VLDLR: variants seen among roughly 807,000 people sequenced by gnomAD.
VLDLR encodes very low-density lipoprotein receptor.
VLDLR carries 81 observed loss-of-function variants against 112.7 expected under a neutral mutation model. That is an observed-to-expected ratio of 0.72 (90% CI 0.60 to 0.86). The LOEUF is 0.86. Ranked by LOEUF, VLDLR falls within the 40% of genes least tolerant of loss-of-function variation. The probability of loss-of-function intolerance (pLI) is 0.00; values close to 1 mark genes in which losing one functional copy is unlikely to be tolerated. For synonymous variants in VLDLR, 436 were observed against 384.8 expected (o/e 1.13, Z -1.56); for missense variants, 1,237 against 1,099.4 (o/e 1.13, Z -1.77).
At chr9:2,633,051 A>AGAGAGAGAGAGAGAGAGTGTGT (rs1460780869) in intron 1 of VLDLR, among the ~76,000 whole-genome samples, 1 of 115,402 alleles carries the variant, frequency 8.7e-6, no homozygotes, top group African/African-American at 3.3e-5. Context: ...AGAGAGAGAG[A>AGAGAGAGAGAGAGAGAGTGTGT]GTGTGTGTGT....
At chr9:2,645,536 T>G in intron 9 of VLDLR, 38 bp from the exon 10 acceptor site, 2 of 1,613,976 alleles carry the variant, frequency 1.2e-6, no homozygotes, top group Non-Finnish European at 1.7e-6. Flanking sequence ...CTTGCCTTCT[T>G]AAAGCAAAAC....
chr9:2,622,231 G>A lies in VLDLR; in HGVS notation c.42G>A (p.Ala14=). The A allele has an allele frequency of 6.7e-7, 1 of 1,499,066 alleles. No homozygotes were observed. Among genetic ancestry groups the A allele is most frequent in the Non-Finnish European group, 8.8e-7 (1 of 1,130,910 alleles). The allele number at this position is 1,499,066 out of a possible 1,614,324, so 92.9% of individuals were successfully genotyped here. ...SALWALWLLL[A]LCWAPRESGA... Reference sequence around the variant, plus strand: ...TCTGGGCGCTCTGGCTGCTGCTCGCGCTGTGCTGGGCGCCCCGGGAGAGCG... The same window carrying A: ...TCTGGGCGCTCTGGCTGCTGCTCGCACTGTGCTGGGCGCCCCGGGAGAGCG... Residue 14 remains alanine (A), a synonymous_variant, in exon 1 of 19, where the codon GCG becomes GCA. Coordinates refer to ENST00000382100, the MANE Select transcript of VLDLR (RefSeq NM_003383.5).
intron 15 of VLDLR, 123 bp downstream of exon 15, chr9:2,650,639 G>A (rs888871495): frequency 1.4e-5 from 19 of 1,327,560 alleles, no homozygotes; most frequent in Non-Finnish European, 2.0e-5. Context: ...GAAGATATCT[G>A]CTATTGTATG....
intron 1 of VLDLR, among the ~76,000 whole-genome samples, chr9:2,629,006 TA>T (rs1817221995): frequency 6.6e-6 from 1 of 152,234 alleles, no homozygotes; most frequent in Non-Finnish European, 1.5e-5. Flanking sequence ...TGTAGCTTCT[TA>T]ACCTTAGTGC....
intron 1 of VLDLR, 128 bp downstream of exon 1, chr9:2,622,399 T>C (rs1339136221): frequency 1.0e-5 from 8 of 787,318 alleles, no homozygotes; most frequent in Non-Finnish European, 1.3e-5. Context: ...TCGCCTTCCC[T>C]CCCTCCCCTC....
intron 3 of VLDLR, 83 bp downstream of exon 3, chr9:2,640,064 G>A (rs1036666352): frequency 1.9e-6 from 3 of 1,610,016 alleles, no homozygotes; most frequent in East Asian, 2.2e-5. Flanking sequence ...TCTCCTACTT[G>A]GTATTCATTT....
chr9:2,638,956 G>T (rs1817715761), intron 2 of VLDLR, among the ~76,000 whole-genome samples: 1 of 152,182 alleles, frequency 6.6e-6, no homozygotes, highest in African/African-American at 2.4e-5. Context: ...CACTGATTGA[G>T]TTTTCTCCCC....
chr9:2,635,327 GC>G (rs1488099042), intron 1 of VLDLR, 125 bp from the exon 2 acceptor site: 19 of 1,427,536 alleles, frequency 1.3e-5, no homozygotes, highest in Non-Finnish European at 1.9e-5. Context: ...TCCTACTCTG[GC>G]CCTTAGGATG....
In VLDLR at chr9:2,622,115, G is replaced by A; in HGVS notation, c.-75G>A. The A allele has an allele frequency of 2.9e-6, 4 of 1,386,192 alleles. No homozygotes were observed. Among genetic ancestry groups the A allele is most frequent in the Non-Finnish European group, 3.8e-6 (4 of 1,049,958 alleles). The allele number at this position is 1,386,192 out of a possible 1,614,324, so 85.9% of individuals were successfully genotyped here. A position where few individuals can be genotyped will look rare whatever the true frequency, so the allele number is the denominator to read the frequency against. ...CCGCCCCCACCTTCTTCCTCCTTTC[G>A]GAAGGACTGGTAACTTGTCGTGCGG... On this transcript the variant is annotated 5_prime_UTR_variant, in exon 1 of 19. Coordinates refer to ENST00000382100, the MANE Select transcript of VLDLR (RefSeq NM_003383.5).
chr9:2,647,691 C>G (rs1199694831), intron 12 of VLDLR, 99 bp downstream of exon 12: 1 of 1,068,744 alleles, frequency 9.4e-7, no homozygotes, highest in Non-Finnish European at 1.5e-6. Context: ...GACTCTACTG[C>G]TTCCGCCTAA....
At chr9:2,638,404 C>T (rs568619022) in intron 2 of VLDLR, among the ~76,000 whole-genome samples, 25 of 152,310 alleles carry the variant, frequency 1.6e-4, no homozygotes, top group African/African-American at 5.1e-4. Flanking sequence ...ATTTGAGAAA[C>T]AGTCCCTTTC....
intron 11 of VLDLR, 38 bp from the exon 12 acceptor site, chr9:2,647,436 A>T (rs368076836): frequency 4.4e-6 from 7 of 1,576,938 alleles, no homozygotes; most frequent in Admixed American, 3.3e-5. Context: ...TATTCCTTCT[A>T]AACCACTGAG....
Position 2,647,644 on chromosome 9 carries a change from T to G in VLDLR, c.1822+52T>G, listed in dbSNP as rs754994718. On this transcript the variant is annotated intron_variant, in intron 12 of 18. Transcript: ENST00000382100. ...CCCACTCAACTATCTTCATAGTGTT[T>G]CCATTTATCTCCATGGTGAATTCTG... 1.5e-5 allele frequency: 21 copies of G among 1,439,548 alleles called. No homozygotes were observed. The South Asian group carries it at 1.9e-4, about 13-fold the overall frequency. The allele number at this position is 1,439,548 out of a possible 1,614,324, so 89.2% of individuals were successfully genotyped here.
intron 18 of VLDLR, among the ~76,000 whole-genome samples, chr9:2,653,352 T>C (rs1306247943): frequency 6.6e-6 from 1 of 152,148 alleles, no homozygotes; most frequent in African/African-American, 2.4e-5. Context: ...GCCAAAATTA[T>C]TATATGCTTT....
chr9:2,649,516 C>T lies in VLDLR; in HGVS notation c.2104+706C>T, dbSNP rs139006027. Among the ~76,000 whole-genome samples the T allele has an allele frequency of 7.9e-3, 1,198 of 152,160 alleles. 23 individuals carry two copies. The highest frequency in any genetic ancestry group is 0.028 in the African/African-American group (1,146 of 41,512). ...AAGCAATTCTCCTGCCTCAGCCTCC[C>T]GAGTAGCTGGGACTACAGGAGTGAG... On this transcript the variant is annotated intron_variant, in intron 14 of 18. Transcript: ENST00000382100.
chr9:2,627,273 G>T (rs1817137434), intron 1 of VLDLR, among the ~76,000 whole-genome samples: 1 of 152,184 alleles, frequency 6.6e-6, no homozygotes, highest in Admixed American at 6.5e-5. Flanking sequence ...AAATTACCAA[G>T]AACTTAGACT....
chr9:2,625,532 C>T (rs1320264429), intron 1 of VLDLR, among the ~76,000 whole-genome samples: 3 of 152,160 alleles, frequency 2.0e-5, no homozygotes, highest in Non-Finnish European at 4.4e-5. Flanking sequence ...GGAAAACCAC[C>T]TTCACATACT....
intron 13 of VLDLR, 124 bp downstream of exon 13, chr9:2,648,471 A>G: frequency 1.3e-6 from 2 of 1,534,780 alleles, no homozygotes; most frequent in South Asian, 1.1e-5. Context: ...GCTTTCACTT[A>G]AAACCTGGTA....
chr9:2,652,960 T>G lies in VLDLR; in HGVS notation c.2586+11T>G. 1 of 1,613,996 alleles carries G rather than the reference T, an allele frequency of 6.2e-7. No homozygotes were observed. The highest frequency in any genetic ancestry group is 8.5e-7 in the Non-Finnish European group (1 of 1,179,902). Reference sequence around the variant, plus strand: ...CACACGTACCCAGCAGTAAGTCAGCTTTGTGTCTTTATACACCATGGCTTG... The same window carrying G: ...CACACGTACCCAGCAGTAAGTCAGCGTTGTGTCTTTATACACCATGGCTTG... On this transcript the variant is annotated intron_variant, in intron 18 of 18. Transcript: ENST00000382100.
Sources: allele counts gnomAD v4.1 joint callset (sites outside exome capture counted in the v4.1 genomes callset), GRCh38; gene constraint gnomAD v4.1.1; transcripts MANE v1.5; gene names NCBI Gene and HGNC (gene_info 2026-07-23, HGNC 2026-07-21).